The following GSK3B variants were observed in gnomAD, a reference collection of about 807,000 sequenced individuals.
The protein encoded by GSK3B is glycogen synthase kinase 3 beta.
A neutral mutation model predicts 56.4 loss-of-function variants in GSK3B; 15 were observed. The observed-to-expected ratio is 0.27, with a 90% confidence interval of 0.18 to 0.41. The LOEUF (loss-of-function observed/expected upper bound fraction) is 0.41, where lower values mean the gene tolerates loss of function less well. Ranked by LOEUF, GSK3B falls within the 10% of genes least tolerant of loss-of-function variation. The probability of loss-of-function intolerance (pLI) is 1.00; values close to 1 mark genes in which losing one functional copy is unlikely to be tolerated. For missense variants in GSK3B, 300 were observed against 513.4 expected, an observed-to-expected ratio of 0.58 and a Z score of 4.02; for synonymous variants, 181 against 188.9, an observed-to-expected ratio of 0.96 and a Z score of 0.34.
intron 9 of GSK3B, among the ~76,000 whole-genome samples, chr3:119,854,783 T>C (rs2055992944): frequency 6.6e-6 from 1 of 152,234 alleles, no homozygotes; most frequent in Non-Finnish European, 1.5e-5. Flanking sequence ...TATCATTTTT[T>C]ATTGCGTCTA....
At position 119,958,642 on chromosome 3, in the gene GSK3B, C is replaced by T. The variant is rs77420767; in HGVS notation, c.283-11291G>A. ...ACAGTGCGCTATGATTGTGACATTG[C>T]ACTTCAGCCTGGGTAACAGGGTGAG... On this transcript the variant is annotated intron_variant, in intron 2 of 10. Coordinates refer to ENST00000264235, the MANE Select transcript of GSK3B (RefSeq NM_001146156.2). 4.9e-3 allele frequency among the ~76,000 whole-genome samples: 747 copies of T among 152,136 alleles called. 3 individuals are homozygous for T. Among genetic ancestry groups the T allele is most frequent in the African/African-American group, 0.017 (701 of 41,492 alleles).
chr3:119,902,703 TTTA>T, intron 7 of GSK3B, among the ~76,000 whole-genome samples: 1 of 150,552 alleles, frequency 6.6e-6, no homozygotes, highest in African/African-American at 2.4e-5. Context: ...GGCTGTGATA[TTTA>T]TTATTTATTA....
At chr3:119,962,862 G>A (rs980551171) in intron 2 of GSK3B, among the ~76,000 whole-genome samples, 42 of 152,098 alleles carry the variant, frequency 2.8e-4, no homozygotes, top group African/African-American at 9.7e-4. Flanking sequence ...TAAATCCCTC[G>A]CATGCGGATG....
intron 1 of GSK3B, among the ~76,000 whole-genome samples, chr3:120,004,620 C>A (rs1200737537): frequency 6.6e-6 from 1 of 152,144 alleles, no homozygotes; most frequent in Admixed American, 6.6e-5. Flanking sequence ...TCTGGTGATA[C>A]CCAGGCAAAC....
intron 7 of GSK3B, among the ~76,000 whole-genome samples, chr3:119,892,786 G>T (rs1331105503): frequency 6.6e-6 from 1 of 152,096 alleles, no homozygotes; most frequent in Non-Finnish European, 1.5e-5. Context: ...ATAAATGGTT[G>T]AATACCTAAA....
intron 2 of GSK3B, among the ~76,000 whole-genome samples, chr3:119,957,666 C>A (rs574660761): frequency 6.6e-6 from 1 of 152,260 alleles, no homozygotes; most frequent in Admixed American, 6.5e-5. Context: ...AGAGCTGTAT[C>A]TTCACAACTT....
intron 2 of GSK3B, among the ~76,000 whole-genome samples, chr3:120,000,217 T>C (rs1288309591): frequency 6.6e-6 from 1 of 152,156 alleles, no homozygotes; most frequent in East Asian, 1.9e-4. Context: ...AACAGTGAAT[T>C]ATAAAACCAT....
chr3:120,075,476 T>C (rs949520776), intron 1 of GSK3B, among the ~76,000 whole-genome samples: 38 of 152,286 alleles, frequency 2.5e-4, no homozygotes, highest in African/African-American at 8.4e-4. Context: ...TGATCCCATA[T>C]ATAGAAAACT....
At chr3:119,989,417 T>G (rs546534424) in intron 2 of GSK3B, among the ~76,000 whole-genome samples, 3 of 152,182 alleles carry the variant, frequency 2.0e-5, no homozygotes, top group African/African-American at 7.2e-5. Context: ...CTGAGGCACA[T>G]GTATCACCTG....
At chr3:120,015,564 C>T (rs111505936) in intron 1 of GSK3B, among the ~76,000 whole-genome samples, 17 of 136,494 alleles carry the variant, frequency 1.2e-4, no homozygotes, top group Non-Finnish European at 2.3e-4. Flanking sequence ...GCAAGAGAAT[C>T]GCTTGAACCC....
rs72548709 is a variant in GSK3B, at chr3:119,863,559, C to T, written c.956G>A (p.Arg319His). ...TPPEAIALCS[R>H]LLEYTPTARL... ...GGCAGTTGGTGTATACTCCAGCAGA[C>T]GGCTACACAGTGCAATTGCCTCCGG... The change falls in exon 9 of 11, where the codon CGT becomes CAT. Residue 319 changes from arginine (R) to histidine (H), a missense_variant. Physicochemically the swap from Arg to His is conservative, Grantham distance 29. This residue lies in a region of GSK3B where 38 missense variants were observed against 58.3 expected (regional missense o/e 0.65). Coordinates refer to ENST00000264235, the MANE Select transcript of GSK3B (RefSeq NM_001146156.2). 1.4e-4 allele frequency: 222 copies of T among 1,613,240 alleles called. No individual in the cohort carries two copies. The highest frequency in any genetic ancestry group is 1.0e-4 in the Non-Finnish European group (118 of 1,179,342).
intron 2 of GSK3B, among the ~76,000 whole-genome samples, chr3:119,956,652 T>C (rs1482453910): frequency 1.3e-5 from 2 of 152,222 alleles, no homozygotes; most frequent in Non-Finnish European, 2.9e-5. Context: ...AGAAAGTCTA[T>C]AAAGGACACT....
intron 1 of GSK3B, among the ~76,000 whole-genome samples, chr3:120,045,895 A>C (rs1265936305): frequency 1.3e-5 from 2 of 152,260 alleles, no homozygotes; most frequent in African/African-American, 4.8e-5. Context: ...GGTATTATTC[A>C]GGGACAAAAA....
intron 1 of GSK3B, among the ~76,000 whole-genome samples, chr3:120,010,804 A>C (rs990495731): frequency 6.6e-6 from 1 of 152,166 alleles, no homozygotes; most frequent in Non-Finnish European, 1.5e-5. Context: ...ATGGTAGTTC[A>C]CACCTGTAAT....
chr3:120,060,040 T>C (rs1054026781), intron 1 of GSK3B, among the ~76,000 whole-genome samples: 3 of 152,110 alleles, frequency 2.0e-5, no homozygotes, highest in African/African-American at 7.2e-5. Context: ...GAATACACAA[T>C]GAACTACACA....
At chr3:119,891,264 A>G (rs2056498537) in intron 7 of GSK3B, among the ~76,000 whole-genome samples, 1 of 151,910 alleles carries the variant, frequency 6.6e-6, no homozygotes, top group African/African-American at 2.4e-5. Flanking sequence ...AAAGAGAATA[A>G]GGACTGGATT....
intron 1 of GSK3B, among the ~76,000 whole-genome samples, chr3:120,084,160 G>A (rs1452362157): frequency 6.6e-6 from 1 of 152,144 alleles, no homozygotes; most frequent in Non-Finnish European, 1.5e-5. Flanking sequence ...TGTGATCACT[G>A]TATACTACTT....
chr3:119,838,241 T>C (rs2055722266), intron 10 of GSK3B, among the ~76,000 whole-genome samples: 1 of 151,798 alleles, frequency 6.6e-6, no homozygotes, highest in South Asian at 2.1e-4. Flanking sequence ...TGAGCTGAGA[T>C]CACACACTGT....
chr3:119,872,707 A>G (rs2056263608), intron 8 of GSK3B, among the ~76,000 whole-genome samples: 1 of 152,142 alleles, frequency 6.6e-6, no homozygotes, highest in Non-Finnish European at 1.5e-5. Context: ...CATCCTTCAC[A>G]TTTATTCAAA....
Sources: allele counts gnomAD v4.1 joint callset (sites outside exome capture counted in the v4.1 genomes callset), GRCh38; gene constraint gnomAD v4.1.1; regional missense constraint gnomAD v4.1.1; transcripts MANE v1.5; gene names NCBI Gene and HGNC (gene_info 2026-07-23, HGNC 2026-07-21).